The following LFNG variants were observed in gnomAD, a reference collection of about 807,000 sequenced individuals.
LFNG encodes the protein LFNG O-fucosylpeptide 3-beta-N-acetylglucosaminyltransferase, also known as beta-1,3-N-acetylglucosaminyltransferase lunatic fringe.
LFNG carries 15 observed loss-of-function variants against 32.7 expected under a neutral mutation model. The observed-to-expected ratio is 0.46, with a 90% confidence interval of 0.31 to 0.71. The LOEUF (loss-of-function observed/expected upper bound fraction) is 0.71. Among genes scored for constraint, LFNG ranks in the 30% least tolerant of loss-of-function variants. LFNG has a pLI of 0.06. For missense variants in LFNG, 520 were observed against 545.7 expected (o/e 0.95, Z 0.47); for synonymous variants, 274 against 246.8 (o/e 1.11, Z -1.03).
At chr7:2,524,830 C>G (rs1473739948) in intron 2 of LFNG, 87 bp downstream of exon 2, 1 of 1,275,740 alleles carries the variant, frequency 7.8e-7, no homozygotes. Context: ...CCCTCTGGGC[C>G]GAGAGGTCAC....
chr7:2,527,335 T>TGC lies in LFNG; in HGVS notation c.*125_*126dup. The TGC allele has an allele frequency of 6.5e-7, 1 of 1,527,798 alleles. No individual in the cohort carries two copies. The allele number at this position is 1,527,798 out of a possible 1,614,324, so 94.6% of individuals were successfully genotyped here. ...AGGGCCGTGCCTGTGCGTGTGCGTG[T>TGC]GCGTGTGTGTGTGTGTGTACTGCAT... On this transcript the variant is annotated 3_prime_UTR_variant, in exon 8 of 8. Coordinates refer to ENST00000222725, the MANE Select transcript of LFNG (RefSeq NM_001040167.2). The surrounding 1 kb of genome is among the most constrained non-coding windows in gnomAD (Gnocchi z 4.4).
chr7:2,520,485 A>G lies in LFNG; in HGVS notation c.432+192A>G, dbSNP rs1444661222. On this transcript the variant is annotated intron_variant, in intron 1 of 7. Coordinates refer to ENST00000222725, the MANE Select transcript of LFNG (RefSeq NM_001040167.2). This position sits in a 1 kb window ranked among gnomAD's most constrained non-coding sequence, Gnocchi z 5.0. ...GCCACTCTCCCGTTACAGTTGTGTT[A>G]CTGTCCCCGGGGCCCCGCCTCCTGT... Among the ~76,000 whole-genome samples the G allele has an allele frequency of 3.9e-5, 6 of 152,060 alleles. No homozygotes were observed. Among genetic ancestry groups the G allele is most frequent in the African/African-American group, 1.2e-4 (5 of 41,402 alleles).
upstream of LFNG, among the ~76,000 whole-genome samples, chr7:2,517,258 G>T (rs918307562): frequency 2.0e-5 from 3 of 152,184 alleles, no homozygotes; most frequent in Non-Finnish European, 2.9e-5. Flanking sequence ...CCATTCTCCT[G>T]ACAGCAAAGA....
upstream of LFNG, among the ~76,000 whole-genome samples, chr7:2,518,993 T>C (rs1779700817): frequency 6.6e-6 from 1 of 152,068 alleles, no homozygotes. Context: ...GGGCCGCATC[T>C]GGCCCGAGCG....
At chr7:2,514,810 CTGTCT>C (rs1779574900), upstream of LFNG, among the ~76,000 whole-genome samples, 13 of 137,956 alleles carry the variant, frequency 9.4e-5, no homozygotes, top group Non-Finnish European at 2.1e-4. Context: ...ATCTGTCGGT[CTGTCT>C]GTCCATCCAT....
At chr7:2,516,898 G>A (rs1030187908), upstream of LFNG, among the ~76,000 whole-genome samples, 1 of 152,178 alleles carries the variant, frequency 6.6e-6, no homozygotes, top group South Asian at 2.1e-4. Context: ...TCTTAAAGCC[G>A]AGAAGTGGCC....
Position 2,526,327 on chromosome 7 carries a change from G to C in LFNG, c.905G>C (p.Gly302Ala), listed in dbSNP as rs773769373. The C allele has an allele frequency of 1.2e-6, 2 of 1,612,764 alleles. No homozygotes were observed. The highest frequency in any genetic ancestry group is 2.2e-5 in the South Asian group (2 of 91,080). ...GGCTACATCGTGGAGGCCCTGCTGG[G>C]TGTGCCCCTCATCCGCAGCGGCCTC... Reference protein sequence around the residue: ...TIGYIVEALLGVPLIRSGLFH... With the variant: ...TIGYIVEALLAVPLIRSGLFH... Residue 302 changes from glycine to alanine, a missense_variant, in exon 6 of 8, where the codon GGT becomes GCT. Gly to Ala is a moderately conservative substitution (Grantham distance 60). Coordinates refer to ENST00000222725, the MANE Select transcript of LFNG (RefSeq NM_001040167.2). The surrounding 1 kb of genome is among the most constrained non-coding windows in gnomAD (Gnocchi z 6.9).
chr7:2,513,779 C>T (rs533380961), upstream of LFNG, among the ~76,000 whole-genome samples: 1 of 152,328 alleles, frequency 6.6e-6, no homozygotes, highest in African/African-American at 2.4e-5. Context: ...CTCTGCAGGA[C>T]GTCAGTAAGT....
At position 2,520,320 on chromosome 7, in the gene LFNG, G is replaced by A. The variant is rs764935039; in HGVS notation, c.432+27G>A. 2 of 1,594,186 alleles carry A rather than the reference G, an allele frequency of 1.3e-6. No individual in the cohort carries two copies. The highest frequency in any genetic ancestry group is 1.7e-6 in the Non-Finnish European group (2 of 1,167,534). On this transcript the variant is annotated intron_variant, in intron 1 of 7. Coordinates refer to ENST00000222725, the MANE Select transcript of LFNG (RefSeq NM_001040167.2). This position sits in a 1 kb window ranked among gnomAD's most constrained non-coding sequence, Gnocchi z 5.0. ...TGAGCCCCCCGCGGCCTGGACTGGC[G>A]GGCGAGCGGGGCGGGGACCCACCAT...
Position 2,527,970 on chromosome 7 carries a change from A to G in LFNG, c.*758A>G, listed in dbSNP as rs1780044004. ...CCAAAGTAGAGAGCAAGTCGCCCAC[A>G]GTGGGCGTGTCTGTAAATATTGTGA... On this transcript the variant is annotated 3_prime_UTR_variant, in exon 8 of 8. Coordinates refer to ENST00000222725, the MANE Select transcript of LFNG (RefSeq NM_001040167.2). The surrounding 1 kb of genome is among the most constrained non-coding windows in gnomAD (Gnocchi z 4.4). The G allele has an allele frequency of 4.1e-6, 4 of 983,084 alleles. No homozygotes were observed. The highest frequency in any genetic ancestry group is 4.8e-6 in the Non-Finnish European group (4 of 829,534). 60.9% of individuals were successfully genotyped at this position (983,084 alleles called of 1,614,324 possible). A position where few individuals can be genotyped will look rare whatever the true frequency, so the allele number is the denominator to read the frequency against.
upstream of LFNG, chr7:2,517,666 G>T (rs1292025509): frequency 6.6e-6 from 3 of 457,422 alleles, no homozygotes; most frequent in African/African-American, 2.0e-5. Context: ...GGGGTGCAGG[G>T]TGGCATGGCA....
At chr7:2,525,135 C>G (rs1373188073) in intron 2 of LFNG, 84 bp from the exon 3 acceptor site, 1 of 1,217,910 alleles carries the variant, frequency 8.2e-7, no homozygotes, top group Admixed American at 1.9e-5. Flanking sequence ...TTTCTCGAGC[C>G]CCTGGGCCCT....
At chr7:2,512,582 G>A (rs1003344409) in exon 1 of LFNG, 12 of 1,364,182 alleles carry the variant, frequency 8.8e-6, no homozygotes, top group Admixed American at 5.1e-5. Context: ...AGGGAGGACA[G>A]AGGCCAAGGC....
At position 2,520,210 on chromosome 7, in the gene LFNG, A is replaced by G. The variant is rs1302488612; in HGVS notation, c.349A>G (p.Ile117Val). 6.2e-7 allele frequency: 1 copy of G among 1,603,502 alleles called. No individual in the cohort carries two copies. Among genetic ancestry groups the G allele is most frequent in the Non-Finnish European group, 8.5e-7 (1 of 1,175,840 alleles). The change falls in exon 1 of 8, where the codon ATC (isoleucine) becomes GTC (valine). Residue 117 changes from isoleucine (I) to valine (V), a missense_variant. Around this residue, in one of 3 missense-constraint regions of LFNG, gnomAD observed 360 missense variants for 354.7 expected, o/e 1.01. Coordinates refer to ENST00000222725, the MANE Select transcript of LFNG (RefSeq NM_001040167.2). This position sits in a 1 kb window ranked among gnomAD's most constrained non-coding sequence, Gnocchi z 5.0. ...AEPLAPRDVF[I>V]AVKTTKKFHR... Reference sequence around the variant, plus strand: ...GCCGCTCGCGCCCCGAGACGTCTTCATCGCTGTCAAGACCACCAAAAAGTT... The same window carrying G: ...GCCGCTCGCGCCCCGAGACGTCTTCGTCGCTGTCAAGACCACCAAAAAGTT...
At chr7:2,517,156 A>G (rs1187883826), upstream of LFNG, among the ~76,000 whole-genome samples, 1 of 152,186 alleles carries the variant, frequency 6.6e-6, no homozygotes, top group Admixed American at 6.5e-5. Context: ...GAAGTGTTTC[A>G]GGCTGAAGCT....
Position 2,526,611 on chromosome 7 carries a change from T to C in LFNG, c.987+202T>C, listed in dbSNP as rs914599239. Among the ~76,000 whole-genome samples the C allele has an allele frequency of 8.5e-5, 13 of 152,124 alleles. No individual in the cohort carries two copies. Among genetic ancestry groups the C allele is most frequent in the Non-Finnish European group, 1.6e-4 (11 of 68,004 alleles). ...TTTTCCTGCCGTCTCTTCTCTTCAC[T>C]GTGATGCGCCTACTGTGCGTATTTT... On this transcript the variant is annotated intron_variant, in intron 6 of 7. Coordinates refer to ENST00000222725, the MANE Select transcript of LFNG (RefSeq NM_001040167.2). This position sits in a 1 kb window ranked among gnomAD's most constrained non-coding sequence, Gnocchi z 6.9.
chr7:2,529,047 GGGT>G (rs979071430), downstream of LFNG: 2 of 429,218 alleles, frequency 4.7e-6, no homozygotes, highest in Non-Finnish European at 8.3e-6. This position sits in a 1 kb window ranked among gnomAD's most constrained non-coding sequence, Gnocchi z 4.2. Flanking sequence ...CCCCGCTCAG[GGGT>G]GGTGGGAAGA....
rs1024071687 is a variant in LFNG at position 2,520,844 on chromosome 7, G to C, written c.432+551G>C. Among the ~76,000 whole-genome samples, 1 of 152,126 alleles carries C rather than the reference G, an allele frequency of 6.6e-6. No homozygotes were observed. The highest frequency in any genetic ancestry group is 1.9e-4 in the East Asian group (1 of 5,188). On this transcript the variant is annotated intron_variant, in intron 1 of 7. Coordinates refer to ENST00000222725, the MANE Select transcript of LFNG (RefSeq NM_001040167.2). This position sits in a 1 kb window ranked among gnomAD's most constrained non-coding sequence, Gnocchi z 5.0. ...AACTCCAGGTTTTGGGGTCTGTGTG[G>C]GGACCCTCCCCGCACAGTGCAGTAG...
At chr7:2,518,039 T>A (rs956523242), upstream of LFNG, 3 of 563,664 alleles carry the variant, frequency 5.3e-6, no homozygotes, top group Admixed American at 1.5e-4. Flanking sequence ...CTGAAACAAT[T>A]CAGATATGGG....
Sources: allele counts gnomAD v4.1 joint callset (sites outside exome capture counted in the v4.1 genomes callset), GRCh38; gene constraint gnomAD v4.1.1; regional missense constraint gnomAD v4.1.1; non-coding constraint Gnocchi (gnomAD v3.1); transcripts MANE v1.5; gene names NCBI Gene and HGNC (gene_info 2026-07-23, HGNC 2026-07-21).